Variants in MALAT1 observed in about 807,000 individuals in gnomAD.
MALAT1 encodes metastasis associated lung adenocarcinoma transcript 1.
At chr11:65,498,429 G>C (rs1047732610) in intron 1 of MALAT1, 5 of 518,464 alleles carry the variant, frequency 9.6e-6, no homozygotes, top group African/African-American at 9.6e-5. Flanking sequence ...CTGTGGTGTG[G>C]GATTGAGGCG....
exon 3 of MALAT1, chr11:65,499,741 TAGA>T (rs1388068453): frequency 1.6e-5 from 7 of 431,404 alleles, no homozygotes; most frequent in African/African-American, 1.2e-4. Flanking sequence ...AACATACTTT[TAGA>T]AGAAAAAAGA....
intron 1 of MALAT1, chr11:65,498,474 T>A (rs1282500631): frequency 1.9e-6 from 1 of 518,436 alleles, no homozygotes; most frequent in South Asian, 1.4e-5. Context: ...TTCTAAGATT[T>A]CCCAAGCAGA....
chr11:65,500,705 G>A (rs763211099), exon 3 of MALAT1: 2 of 518,890 alleles, frequency 3.9e-6, no homozygotes, highest in Non-Finnish European at 7.7e-6. Context: ...GGCGTTGTGC[G>A]TAGAGGATCC....
chr11:65,502,832 T>G, exon 3 of MALAT1: 3 of 505,810 alleles, frequency 5.9e-6, no homozygotes, highest in South Asian at 4.3e-5. Context: ...CAAAAAATTT[T>G]AAGCAAATGA....
exon 3 of MALAT1, chr11:65,503,135 T>C (rs781294493): frequency 7.9e-6 from 4 of 508,572 alleles, no homozygotes; most frequent in South Asian, 4.3e-5. Flanking sequence ...CTCTTCGTTA[T>C]CAGAAGAGTT....
At chr11:65,499,418 A>G (rs1347418940) in exon 3 of MALAT1, 2 of 482,596 alleles carry the variant, frequency 4.1e-6, no homozygotes, top group East Asian at 5.9e-5. Context: ...TTAGATTAAA[A>G]TGAAGGTGAC....
At chr11:65,502,374 G>A (rs1278800199) in exon 3 of MALAT1, 1 of 509,726 alleles carries the variant, frequency 2.0e-6, no homozygotes, top group Non-Finnish European at 3.9e-6. Flanking sequence ...TTCTTCTGAT[G>A]GTAGCTTTTG....
exon 1 of MALAT1, chr11:65,497,807 C>G (rs553200684): frequency 7.5e-4 from 381 of 508,658 alleles, no homozygotes; most frequent in Admixed American, 1.2e-3. Flanking sequence ...CCCTCTTAAG[C>G]GCAGCGCCAT....
At chr11:65,499,985 A>G (rs1444006682) in exon 3 of MALAT1, 2 of 426,402 alleles carry the variant, frequency 4.7e-6, no homozygotes, top group African/African-American at 2.1e-5. Flanking sequence ...AATAGCACTG[A>G]AAAAATGAGG....
rs1388704722 is a variant in MALAT1 at position 65,504,235 on chromosome 11, T to C, written n.5168+330T>C. ...AGTGTATGAGACCTTGCAGTGAGTT[T>C]ATCAGCATACTCAAAATTTTTTTCC... On this transcript the variant is annotated intron_variant and non_coding_transcript_variant, in intron 3 of 3. Transcript: ENST00000619449. 3 of 518,292 alleles carry C rather than the reference T, an allele frequency of 5.8e-6. No homozygotes were observed. The African/African-American group carries it at 5.8e-5, about 10-fold the overall frequency. The allele number at this position is 518,292 out of a possible 1,614,324, so 32.1% of individuals were successfully genotyped here.
intron 1 of MALAT1, chr11:65,498,664 T>G (rs1287876799): frequency 9.6e-6 from 5 of 518,140 alleles, no homozygotes; most frequent in Non-Finnish European, 1.9e-5. Context: ...CTATCACACT[T>G]TAATCTTCCT....
chr11:65,503,841 A>G (rs371287219), exon 3 of MALAT1: 17 of 518,116 alleles, frequency 3.3e-5, no homozygotes, highest in East Asian at 5.4e-5. Flanking sequence ...TGATGAGCAT[A>G]TAATAATTCC....
chr11:65,500,104 C>A (rs1230774251), exon 3 of MALAT1: 1 of 471,178 alleles, frequency 2.1e-6, no homozygotes. Context: ...TAGACCAGAA[C>A]CAATTTAGAA....
exon 3 of MALAT1, chr11:65,499,594 CGAAAAT>C (rs1854492633): frequency 6.7e-6 from 3 of 451,034 alleles, no homozygotes; most frequent in South Asian, 3.2e-5. Context: ...TAAACGCAGA[CGAAAAT>C]GGAAAGATTA....
exon 3 of MALAT1, chr11:65,502,830 T>A (rs1239728054): frequency 2.0e-6 from 1 of 505,616 alleles, no homozygotes; most frequent in Admixed American, 2.0e-5. Context: ...GCCAAAAAAT[T>A]TTAAGCAAAT....
At chr11:65,497,798 C>T (rs753769202) in exon 1 of MALAT1, 11 of 501,812 alleles carry the variant, frequency 2.2e-5, no homozygotes, top group African/African-American at 5.9e-5. Context: ...CCTCTCCTGC[C>T]CTCTTAAGCG....
At chr11:65,500,743 C>T (rs987621622) in exon 3 of MALAT1, 1 of 518,898 alleles carries the variant, frequency 1.9e-6, no homozygotes, top group Non-Finnish European at 3.8e-6. Context: ...GTGCCAAGGC[C>T]ACAGGGAAAG....
chr11:65,504,550 C>T (rs1005173606), intron 3 of MALAT1: 1 of 518,834 alleles, frequency 1.9e-6, no homozygotes, highest in South Asian at 1.4e-5. Context: ...TTTAAGCAGT[C>T]GTATTTGTGA....
chr11:65,501,486 C>T (rs1565052795), exon 3 of MALAT1: 1 of 516,718 alleles, frequency 1.9e-6, no homozygotes, highest in South Asian at 1.4e-5. Context: ...TTTAAAAGTG[C>T]TTAACCCCTT....
Sources: allele counts gnomAD v4.1 joint callset, GRCh38; gene constraint gnomAD v4.1.1; transcripts MANE v1.5; gene names NCBI Gene and HGNC (gene_info 2026-07-23, HGNC 2026-07-21).